The following BRF1 variants were observed in gnomAD, a reference collection of about 807,000 sequenced individuals.
BRF1 encodes the protein BRF1 general transcription factor IIIB subunit.
In BRF1, 59 loss-of-function variants were observed where a neutral mutation model predicts 81.7. That is an observed-to-expected ratio of 0.72 (90% CI 0.59 to 0.90). The LOEUF is 0.90. Ranked by LOEUF, BRF1 falls within the 40% of genes least tolerant of loss-of-function variation. The pLI is 0.00. For missense variants in BRF1, 1,050 were observed against 936.3 expected, an observed-to-expected ratio of 1.12 and a Z score of -1.58; for synonymous variants, 491 against 395.6, an observed-to-expected ratio of 1.24 and a Z score of -2.86.
chr14:105,219,907 G>A (rs1245717885), intron 12 of BRF1, 162 bp downstream of exon 12: 1 of 737,538 alleles, frequency 1.4e-6, no homozygotes, highest in Admixed American at 2.6e-5. Flanking sequence ...AGTGTGGGGG[G>A]GGGTCCCGGG....
At chr14:105,299,373 C>T (rs2057887502) in intron 1 of BRF1, among the ~76,000 whole-genome samples, 2 of 152,052 alleles carry the variant, frequency 1.3e-5, no homozygotes. Context: ...GAGTTTGAGA[C>T]CAGCCTGGGC....
chr14:105,260,991 A>G (rs1464121942), intron 3 of BRF1, among the ~76,000 whole-genome samples: 1 of 152,254 alleles, frequency 6.6e-6, no homozygotes, highest in East Asian at 1.9e-4. Context: ...TCCTGTGTCC[A>G]GCATGGCTGG....
intron 4 of BRF1, among the ~76,000 whole-genome samples, chr14:105,254,567 G>A (rs1410480952): frequency 1.4e-5 from 2 of 144,838 alleles, no homozygotes; most frequent in Non-Finnish European, 3.0e-5. Context: ...GCAGTTTTTT[G>A]TTTGTTTTCT....
At chr14:105,226,941 T>C in intron 7 of BRF1, 181 bp from the exon 8 acceptor site, 1 of 694,910 alleles carries the variant, frequency 1.4e-6, no homozygotes. Context: ...AGACTCTGTC[T>C]CTACCCAAAA....
intron 7 of BRF1, 104 bp downstream of exon 7, chr14:105,228,716 G>A (rs1006247533): frequency 2.3e-6 from 3 of 1,318,364 alleles, no homozygotes; most frequent in African/African-American, 1.5e-5. Flanking sequence ...GCCAGGCGGG[G>A]GACGGCAGGG....
At position 105,300,767 on chromosome 14, in the gene BRF1, C is replaced by G. The variant is rs1595503625; in HGVS notation, c.-138G>C. ...TCGCGAGGCCCCGCTCCAGCCGATT[C>G]GCAGCCGCAGATTCGCCGCGCGCGC... On this transcript the variant is annotated 5_prime_UTR_variant, in exon 1 of 18. Transcript: ENST00000547530. 1.6e-6 allele frequency: 1 copy of G among 627,298 alleles called. No homozygotes were observed. Among genetic ancestry groups the G allele is most frequent in the East Asian group, 4.8e-5 (1 of 21,026 alleles). 38.9% of individuals were successfully genotyped at this position (627,298 alleles called of 1,614,324 possible). A position where few individuals can be genotyped will look rare whatever the true frequency, so the allele number is the denominator to read the frequency against.
intron 14 of BRF1, 105 bp downstream of exon 14, chr14:105,218,893 G>A (rs917706446): frequency 1.0e-4 from 156 of 1,528,602 alleles, no homozygotes; most frequent in Non-Finnish European, 1.3e-4. Flanking sequence ...CCTGCCCTGG[G>A]GCCTAGACCC....
At position 105,300,527 on chromosome 14, in the gene BRF1, T is replaced by C. The variant is rs1360999911; in HGVS notation, c.103A>G (p.Asn35Asp). The C allele has an allele frequency of 2.0e-6, 3 of 1,537,878 alleles. No individual in the cohort carries two copies. Among genetic ancestry groups the C allele is most frequent in the Admixed American group, 2.0e-5 (1 of 50,754 alleles). ...AACTGCACCTCGGACACGATGATGTTGTCCTCCAGCACTGAGCCGCAGGCG... is the reference window on the plus strand; with the variant it reads ...AACTGCACCTCGGACACGATGATGTCGTCCTCCAGCACTGAGCCGCAGGCG... ...CTACGSVLEDNIIVSEVQFVE... is the reference protein window; with the variant it reads ...CTACGSVLEDDIIVSEVQFVE... The change falls in exon 1 of 18, where the codon AAC becomes GAC. Residue 35 changes from asparagine (N) to aspartate (D), a missense_variant. Transcript: ENST00000547530.
In BRF1 at chr14:105,217,744, G is replaced by T. The variant is rs151236953; in HGVS notation, c.1572C>A (p.Ala524=). The T allele has an allele frequency of 1.2e-5, 19 of 1,613,290 alleles. No individual in the cohort carries two copies. The African/African-American group carries it at 2.4e-4, about 20-fold the overall frequency. ...TCTTCTGCTCCAGCATCTTCTCGAT[G>T]GCCTCCCTGGCGGTACTGGCCTGAA... ...EPIQASTARE[A]IEKMLEQKKI... The change falls in exon 15 of 18, where the codon GCC becomes GCA. Residue 524 remains alanine (A), a synonymous_variant. Coordinates refer to ENST00000547530, the MANE Select transcript of BRF1 (RefSeq NM_001519.4).
At chr14:105,220,415 G>T (rs1566805118) in intron 11 of BRF1, among the ~76,000 whole-genome samples, 1 of 152,184 alleles carries the variant, frequency 6.6e-6, no homozygotes, top group Non-Finnish European at 1.5e-5. Flanking sequence ...TTTAAGAACA[G>T]GAGACAGAGG....
chr14:105,220,806 C>T (rs893224653), intron 11 of BRF1, among the ~76,000 whole-genome samples: 6 of 152,246 alleles, frequency 3.9e-5, no homozygotes, highest in Non-Finnish European at 7.3e-5. Flanking sequence ...CATGCTGCTC[C>T]AGGGCCGAGG....
intron 1 of BRF1, chr14:105,314,993 C>A: frequency 8.0e-7 from 1 of 1,252,520 alleles, no homozygotes. Context: ...TGAACCTGTT[C>A]GCCACCTGGG....
At chr14:105,213,774 T>G (rs1890555402) in intron 15 of BRF1, among the ~76,000 whole-genome samples, 2 of 152,074 alleles carry the variant, frequency 1.3e-5, no homozygotes, top group African/African-American at 2.4e-5. Context: ...GCCAGAAAGC[T>G]CCCTACTCCT....
At chr14:105,243,449 T>C (rs1264536503) in intron 5 of BRF1, among the ~76,000 whole-genome samples, 3 of 137,580 alleles carry the variant, frequency 2.2e-5, no homozygotes, top group African/African-American at 8.2e-5. Context: ...CAAGACTCTG[T>C]CTCTTAAAAA....
chr14:105,251,050 C>T (rs2055577965), intron 5 of BRF1: 1 of 235,364 alleles, frequency 4.2e-6, no homozygotes, highest in African/African-American at 2.3e-5. Flanking sequence ...CAAAAAGTCA[C>T]TTAAAATAGT....
intron 5 of BRF1, chr14:105,249,057 C>A (rs1369168081): frequency 1.5e-6 from 2 of 1,295,780 alleles, no homozygotes; most frequent in Non-Finnish European, 1.9e-6. Context: ...CCCCGGCTGG[C>A]GGTGCTGCCG....
chr14:105,305,192 G>A (rs1166426808), upstream of BRF1, among the ~76,000 whole-genome samples: 1 of 152,146 alleles, frequency 6.6e-6, no homozygotes, highest in African/African-American at 2.4e-5. Context: ...CTTGAGTCCA[G>A]GAGTTTGAGA....
chr14:105,243,318 C>G (rs1410766497), intron 5 of BRF1, among the ~76,000 whole-genome samples: 1 of 149,880 alleles, frequency 6.7e-6, no homozygotes, highest in Non-Finnish European at 1.5e-5. Context: ...GGTGTGGTGG[C>G]GGGCACCTAT....
chr14:105,241,410 C>G lies in BRF1; in HGVS notation c.549G>C (p.Pro183=), dbSNP rs144658695. 1 of 1,611,594 alleles carries G rather than the reference C, an allele frequency of 6.2e-7. No individual in the cohort carries two copies. Among genetic ancestry groups the G allele is most frequent in the Non-Finnish European group, 8.5e-7 (1 of 1,179,884 alleles). The change falls in exon 6 of 18, where the codon CCG becomes CCC. Residue 183 remains proline, a synonymous_variant. Transcript: ENST00000547530. ...GCGCAAAGCGTGGAATATACAGGCA[C>G]GGGTCTGCGGCAGACACAGCACCTC... ...ELCINAPAID[P]CLYIPRFAHL...
Sources: allele counts gnomAD v4.1 joint callset (sites outside exome capture counted in the v4.1 genomes callset), GRCh38; gene constraint gnomAD v4.1.1; transcripts MANE v1.5; gene names NCBI Gene and HGNC (gene_info 2026-07-23, HGNC 2026-07-21).